FNIP1: variants seen among roughly 807,000 people sequenced by gnomAD.
FNIP1 encodes the protein folliculin interacting protein 1, also known as folliculin-interacting protein 1.
In FNIP1, 40 loss-of-function variants were observed where a neutral mutation model predicts 124.5. That is an observed-to-expected ratio of 0.32 (90% CI 0.25 to 0.42). The LOEUF is 0.42. Ranked by LOEUF, FNIP1 falls within the 10% of genes least tolerant of loss-of-function variation. The pLI is 1.00. For synonymous variants in FNIP1, 472 were observed against 470.6 expected, an observed-to-expected ratio of 1.00 and a Z score of -0.04; for missense variants, 1,176 against 1,403.7, an observed-to-expected ratio of 0.84 and a Z score of 2.59.
chr5:131,649,940 G>T (rs1237624151), intron 16 of FNIP1, among the ~76,000 whole-genome samples: 1 of 152,120 alleles, frequency 6.6e-6, no homozygotes, highest in African/African-American at 2.4e-5. Flanking sequence ...ATATGTGAGG[G>T]TTAACTTTTA....
intron 3 of FNIP1, among the ~76,000 whole-genome samples, chr5:131,729,296 C>G (rs1227123245): frequency 2.6e-5 from 4 of 152,206 alleles, no homozygotes; most frequent in Non-Finnish European, 1.5e-5. Context: ...CCACCCCTTC[C>G]TCCAGGTGCT....
At chr5:131,786,041 T>TA (rs1483822884) in intron 1 of FNIP1, among the ~76,000 whole-genome samples, 1 of 152,090 alleles carries the variant, frequency 6.6e-6, no homozygotes, top group East Asian at 1.9e-4. Context: ...TTGCAATGTT[T>TA]AAAAAAATCA....
At chr5:131,681,436 G>C (rs1768076163) in intron 11 of FNIP1, among the ~76,000 whole-genome samples, 1 of 151,972 alleles carries the variant, frequency 6.6e-6, no homozygotes, top group Non-Finnish European at 1.5e-5. Context: ...CAAAAACACT[G>C]ATATTTAGAG....
chr5:131,742,364 T>A (rs1770540393), intron 2 of FNIP1, among the ~76,000 whole-genome samples: 1 of 152,122 alleles, frequency 6.6e-6, no homozygotes, highest in South Asian at 2.1e-4. Context: ...CTCGCAAGGC[T>A]GAGGCACGAG....
chr5:131,743,974 A>T lies in FNIP1; in HGVS notation c.219+590T>A, dbSNP rs1403589126. 2.0e-5 allele frequency among the ~76,000 whole-genome samples: 3 copies of T among 152,182 alleles called. No homozygotes were observed. The East Asian group carries it at 5.8e-4, about 29-fold the overall frequency. The stretch of plus-strand genomic sequence containing the variant: ...GAAAAGCTGAGAGGGATGAAGGAAT[A>T]CATCGCAGGAGAGAAATTAATGAGA... On this transcript the variant is annotated intron_variant, in intron 2 of 17. Transcript: ENST00000510461.
At chr5:131,730,300 C>T (rs1770037520) in intron 3 of FNIP1, among the ~76,000 whole-genome samples, 1 of 152,048 alleles carries the variant, frequency 6.6e-6, no homozygotes, top group Non-Finnish European at 1.5e-5. Context: ...ATCTCATTAC[C>T]AGTAATTAAA....
chr5:131,796,072 A>C (rs1328379900), intron 1 of FNIP1: 1 of 152,258 alleles, frequency 6.6e-6, no homozygotes, highest in Admixed American at 6.5e-5. Flanking sequence ...AAATTAACAA[A>C]GCCTGTAACA....
intron 1 of FNIP1, among the ~76,000 whole-genome samples, chr5:131,773,831 A>G (rs1416693451): frequency 1.3e-5 from 2 of 152,118 alleles, no homozygotes; most frequent in Non-Finnish European, 2.9e-5. Flanking sequence ...TATAGGTTTT[A>G]CCAGGTTGCT....
At chr5:131,718,245 G>A (rs1250271271) in intron 5 of FNIP1, among the ~76,000 whole-genome samples, 2 of 151,256 alleles carry the variant, frequency 1.3e-5, no homozygotes, top group Non-Finnish European at 2.9e-5. Flanking sequence ...ACAGGTATTA[G>A]AAACTTAGCT....
At chr5:131,657,933 G>A (rs962427123) in intron 15 of FNIP1, among the ~76,000 whole-genome samples, 14 of 151,540 alleles carry the variant, frequency 9.2e-5, no homozygotes, top group African/African-American at 3.4e-4. Flanking sequence ...CCCAGCTGCT[G>A]GGGAGGCTGA....
intron 1 of FNIP1, among the ~76,000 whole-genome samples, chr5:131,769,362 C>T (rs906056049): frequency 1.3e-5 from 2 of 152,044 alleles, no homozygotes; most frequent in Non-Finnish European, 2.9e-5. Flanking sequence ...TATTTTAAAG[C>T]AAATATATCA....
At chr5:131,775,689 G>A (rs989154359) in intron 1 of FNIP1, among the ~76,000 whole-genome samples, 29 of 151,722 alleles carry the variant, frequency 1.9e-4, no homozygotes, top group South Asian at 2.1e-4. Context: ...CACCACGTCC[G>A]GCTAATTTTT....
intron 1 of FNIP1, among the ~76,000 whole-genome samples, chr5:131,757,394 T>C (rs1487117862): frequency 6.6e-6 from 1 of 151,910 alleles, no homozygotes; most frequent in African/African-American, 2.4e-5. Flanking sequence ...AGTGTCAGAG[T>C]TCTTGATGAA....
At chr5:131,763,543 A>C (rs2149573337) in intron 1 of FNIP1, among the ~76,000 whole-genome samples, 2 of 152,222 alleles carry the variant, frequency 1.3e-5, no homozygotes, top group South Asian at 4.1e-4. Context: ...GCGAAGAAGG[A>C]GGCACCTCAT....
At chr5:131,720,896 T>C (rs1769634765) in intron 3 of FNIP1, among the ~76,000 whole-genome samples, 1 of 152,168 alleles carries the variant, frequency 6.6e-6, no homozygotes, top group African/African-American at 2.4e-5. Flanking sequence ...CAAAATGGTA[T>C]TGTACTTATG....
At chr5:131,791,123 T>C (rs1772393965) in intron 1 of FNIP1, among the ~76,000 whole-genome samples, 1 of 152,234 alleles carries the variant, frequency 6.6e-6, no homozygotes, top group Admixed American at 6.5e-5. Flanking sequence ...GAACAGCTCA[T>C]TACCAATTAC....
chr5:131,761,928 G>GA (rs1771245275), intron 1 of FNIP1, among the ~76,000 whole-genome samples: 1 of 152,084 alleles, frequency 6.6e-6, no homozygotes, highest in Non-Finnish European at 1.5e-5. Flanking sequence ...CAGACCAATG[G>GA]AAGAGAATAC....
chr5:131,699,088 AT>A, intron 10 of FNIP1, 86 bp from the exon 11 acceptor site: 1 of 922,892 alleles, frequency 1.1e-6, no homozygotes, highest in Non-Finnish European at 1.6e-6. Context: ...AGAGTCACAT[AT>A]TTACACAACG....
chr5:131,644,565 G>T lies in FNIP1; in HGVS notation c.*120C>A. The T allele has an allele frequency of 1.3e-6, 1 of 798,194 alleles. No homozygotes were observed. Among genetic ancestry groups the T allele is most frequent in the South Asian group, 1.6e-5 (1 of 64,014 alleles). The allele number at this position is 798,194 out of a possible 1,614,324, so 49.4% of individuals were successfully genotyped here. A position where few individuals can be genotyped will look rare whatever the true frequency, so the allele number is the denominator to read the frequency against. On this transcript the variant is annotated 3_prime_UTR_variant, in exon 18 of 18. Coordinates refer to ENST00000510461, the MANE Select transcript of FNIP1 (RefSeq NM_133372.3). ...ATACAATGCTATGCAGAATACCCTG[G>T]TGACTGACTCATTCAGATGGAAGTC...
Sources: allele counts gnomAD v4.1 joint callset (sites outside exome capture counted in the v4.1 genomes callset), GRCh38; gene constraint gnomAD v4.1.1; transcripts MANE v1.5; gene names NCBI Gene and HGNC (gene_info 2026-07-23, HGNC 2026-07-21).